Variants in WNT2 observed in about 807,000 individuals in gnomAD.
WNT2 encodes the protein Wnt family member 2.
In WNT2, 12 loss-of-function variants were observed where a neutral mutation model predicts 36.9. The observed-to-expected ratio is 0.33, with a 90% CI of 0.21 to 0.53. The LOEUF is 0.53. Among genes scored for constraint, WNT2 ranks in the 20% least tolerant of loss-of-function variants. WNT2 has a pLI of 0.95. For missense variants in WNT2, 379 were observed against 473.1 expected (o/e 0.80, Z 1.84); for synonymous variants, 163 against 174.6 (o/e 0.93, Z 0.52).
At chr7:117,295,134 T>A (rs114760411) in intron 4 of WNT2, among the ~76,000 whole-genome samples, 3 of 147,180 alleles carry the variant, frequency 2.0e-5, no homozygotes, top group African/African-American at 5.0e-5. Flanking sequence ...CGAGACGAGA[T>A]GAGATGAGAC....
chr7:117,288,055 A>G (rs568827765), intron 4 of WNT2, among the ~76,000 whole-genome samples: 3 of 152,240 alleles, frequency 2.0e-5, no homozygotes, highest in African/African-American at 7.2e-5. Context: ...TTCTCCAGGG[A>G]CTGGTCACCC....
Position 117,322,029 on chromosome 7 carries a change from T to C in WNT2, c.83+878A>G. On this transcript the variant is annotated intron_variant, in intron 1 of 4. Coordinates refer to ENST00000265441, the MANE Select transcript of WNT2 (RefSeq NM_003391.3). The surrounding 1 kb of genome is among the most constrained non-coding windows in gnomAD (Gnocchi z 5.4). The stretch of plus-strand genomic sequence containing the variant: ...ACGATAACGGGTGTCTCTGAATCAA[T>C]ATTTTAATATCTGTTCTGAAACTTT... 1 of 152,290 alleles carries C rather than the reference T, an allele frequency of 6.6e-6. No homozygotes were observed. The highest frequency in any genetic ancestry group is 1.9e-4 in the East Asian group (1 of 5,186). The allele number at this position is 152,290 out of a possible 1,614,324, so 9.4% of individuals were successfully genotyped here.
At chr7:117,311,221 C>T (rs1325208072) in intron 3 of WNT2, among the ~76,000 whole-genome samples, 1 of 152,004 alleles carries the variant, frequency 6.6e-6, no homozygotes, top group Non-Finnish European at 1.5e-5. Flanking sequence ...CGTTAAAAAC[C>T]GATACACATT....
intron 4 of WNT2, among the ~76,000 whole-genome samples, chr7:117,281,948 T>C (rs1794496997): frequency 6.6e-6 from 1 of 152,032 alleles, no homozygotes; most frequent in Non-Finnish European, 1.5e-5. Flanking sequence ...TTCAAGAGGC[T>C]TGGTGATGAA....
intron 2 of WNT2, among the ~76,000 whole-genome samples, chr7:117,316,714 C>A (rs972063900): frequency 1.3e-5 from 2 of 152,140 alleles, no homozygotes; most frequent in Non-Finnish European, 2.9e-5. Context: ...ATATTTACCC[C>A]CCAAACCTCT....
At position 117,287,556 on chromosome 7, in the gene WNT2, T is replaced by C. The variant is rs541381036; in HGVS notation, c.854-9172A>G. On this transcript the variant is annotated intron_variant, in intron 4 of 4. Coordinates refer to ENST00000265441, the MANE Select transcript of WNT2 (RefSeq NM_003391.3). ...TCATGCACTGTTTGGAAATATTTGA[T>C]CATTTTTTCATGCATCTTGTCTCCC... 3.9e-5 allele frequency among the ~76,000 whole-genome samples: 6 copies of C among 152,288 alleles called. No individual in the cohort carries two copies. The South Asian group carries it at 1.2e-3, about 32-fold the overall frequency.
rs139486726 is a variant in WNT2, at chr7:117,320,667, G to A, written c.210C>T (p.Ala70=). 7.4e-6 allele frequency: 12 copies of A among 1,613,828 alleles called. No individual in the cohort carries two copies. The East Asian group carries it at 8.9e-5, about 12-fold the overall frequency. Residue 70 remains alanine (A), a synonymous_variant, in exon 2 of 5, where the codon GCC becomes GCT. Transcript: ENST00000265441. The part of the protein sequence containing the change: ...DVMRAISQGV[A]EWTAECQHQF... ...GGTGCTGGCATTCTGCTGTCCACTC[G>A]GCCACGCCCTGGCTAATGGCACGCA...
chr7:117,297,791 G>C lies in WNT2; in HGVS notation c.674C>G (p.Ala225Gly). The stretch of plus-strand genomic sequence containing the variant: ...ATAATCGCCCGTTTTCCTGAAGTCG[G>C]CCATGGCCAGCCAGCATGTCCTGAG... Reference protein sequence around the residue: ...CTLRTCWLAMADFRKTGDYLW... With the variant: ...CTLRTCWLAMGDFRKTGDYLW... The change falls in exon 4 of 5, where the codon GCC (alanine) becomes GGC (glycine). Residue 225 changes from alanine to glycine, a missense_variant. Ala to Gly is a moderately conservative substitution (Grantham distance 60). Transcript: ENST00000265441. The C allele has an allele frequency of 6.2e-7, 1 of 1,614,112 alleles. No individual in the cohort carries two copies. Among genetic ancestry groups the C allele is most frequent in the Non-Finnish European group, 8.5e-7 (1 of 1,180,024 alleles).
chr7:117,322,900 G>C lies in WNT2; in HGVS notation c.83+7C>G, dbSNP rs1795356741. ...AAAATCCCCCGCGCCCGTGCGCGTG[G>C]ACTTACCACCATGAAGAGTTGACCT... is the stretch of plus-strand genomic sequence containing the variant. On this transcript the variant is annotated splice_region_variant and intron_variant, in intron 1 of 4. Transcript: ENST00000265441. The surrounding 1 kb of genome is among the most constrained non-coding windows in gnomAD (Gnocchi z 5.4). 6.2e-7 allele frequency: 1 copy of C among 1,613,480 alleles called. No homozygotes were observed. The highest frequency in any genetic ancestry group is 1.3e-5 in the African/African-American group (1 of 74,898).
intron 4 of WNT2, among the ~76,000 whole-genome samples, chr7:117,295,439 TTAG>T (rs1378945991): frequency 2.6e-5 from 4 of 152,296 alleles, no homozygotes; most frequent in Admixed American, 2.6e-4. Flanking sequence ...CAAGAATAAC[TTAG>T]TAACTTGAAG....
chr7:117,299,687 G>C (rs1794864970), intron 3 of WNT2, among the ~76,000 whole-genome samples: 1 of 151,718 alleles, frequency 6.6e-6, no homozygotes, highest in Non-Finnish European at 1.5e-5. Context: ...TAGAGATGGG[G>C]GTCTCACTGT....
At position 117,278,005 on chromosome 7, in the gene WNT2, G is replaced by C; in HGVS notation, c.*150C>G. 2.4e-6 allele frequency: 2 copies of C among 839,652 alleles called. No individual in the cohort carries two copies. The allele number at this position is 839,652 out of a possible 1,614,324, so 52.0% of individuals were successfully genotyped here. A position where few individuals can be genotyped will look rare whatever the true frequency, so the allele number is the denominator to read the frequency against. ...GCAGCGTGTGGCCCCCCCATCCTGG[G>C]GCCCCCAGGGAGGAAGAGGGGGCTT... On this transcript the variant is annotated 3_prime_UTR_variant, in exon 5 of 5. Coordinates refer to ENST00000265441, the MANE Select transcript of WNT2 (RefSeq NM_003391.3).
At position 117,282,003 on chromosome 7, in the gene WNT2, G is replaced by A. The variant is rs546741582; in HGVS notation, c.854-3619C>T. Among the ~76,000 whole-genome samples the A allele has an allele frequency of 6.3e-4, 96 of 152,276 alleles. 3 individuals carry two copies. The South Asian group carries it at 0.018, about 29-fold the overall frequency. On this transcript the variant is annotated intron_variant, in intron 4 of 4. Coordinates refer to ENST00000265441, the MANE Select transcript of WNT2 (RefSeq NM_003391.3). ...GCCAAGAGTGGTGATAAAAGCAAGG[G>A]TGGGACTTTAAGATTATTTTAGGCC...
intron 3 of WNT2, among the ~76,000 whole-genome samples, chr7:117,313,856 T>C (rs1195497996): frequency 6.6e-6 from 1 of 152,202 alleles, no homozygotes; most frequent in Non-Finnish European, 1.5e-5. Flanking sequence ...ATTAGGAATG[T>C]TGATTTTTAA....
At chr7:117,288,165 A>G (rs1794620539) in intron 4 of WNT2, among the ~76,000 whole-genome samples, 1 of 152,206 alleles carries the variant, frequency 6.6e-6, no homozygotes, top group Non-Finnish European at 1.5e-5. Context: ...AACGTGGCAC[A>G]TTTTTAAATG....
intron 3 of WNT2, among the ~76,000 whole-genome samples, chr7:117,309,674 G>A (rs1005257626): frequency 1.3e-5 from 2 of 152,018 alleles, no homozygotes; most frequent in African/African-American, 4.8e-5. Flanking sequence ...CTTATGCAAG[G>A]TTTTGCTCAA....
chr7:117,301,069 T>A (rs1794896641), intron 3 of WNT2: 1 of 152,212 alleles, frequency 6.6e-6, no homozygotes, highest in African/African-American at 2.4e-5. Flanking sequence ...GCCTTTGGGA[T>A]CTGTTACTTG....
intron 3 of WNT2, among the ~76,000 whole-genome samples, chr7:117,312,127 GAAGA>G (rs1212821088): frequency 6.6e-6 from 1 of 152,100 alleles, no homozygotes; most frequent in African/African-American, 2.4e-5. Context: ...TTTCATCTTA[GAAGA>G]AAGAGTGAAC....
chr7:117,298,320 C>T (rs776994122), intron 3 of WNT2, among the ~76,000 whole-genome samples: 21 of 152,050 alleles, frequency 1.4e-4, no homozygotes, highest in East Asian at 1.9e-4. Context: ...CTGCTAAGTC[C>T]GAATCCTGCA....
Sources: allele counts gnomAD v4.1 joint callset (sites outside exome capture counted in the v4.1 genomes callset), GRCh38; gene constraint gnomAD v4.1.1; non-coding constraint Gnocchi (gnomAD v3.1); transcripts MANE v1.5; gene names NCBI Gene and HGNC (gene_info 2026-07-23, HGNC 2026-07-21).